Variants in CNKSR3 observed in about 807,000 individuals in gnomAD.
The protein encoded by CNKSR3 is CNKSR family member 3, also known as connector enhancer of kinase suppressor of ras 3.
Under a neutral mutation model 67.7 loss-of-function variants are expected in CNKSR3, and 36 were observed. The ratio of observed to expected loss-of-function variants is 0.53; its 90% CI spans 0.41 to 0.70. The LOEUF (loss-of-function observed/expected upper bound fraction) is 0.70. Ranked by LOEUF, CNKSR3 falls within the 30% of genes least tolerant of loss-of-function variation. The pLI is 0.00. For missense variants in CNKSR3, 630 were observed against 695.2 expected, an observed-to-expected ratio of 0.91 and a Z score of 1.05; for synonymous variants, 281 against 271.4, an observed-to-expected ratio of 1.04 and a Z score of -0.35.
At chr6:154,410,621 G>A (rs1784891026) in intron 11 of CNKSR3, among the ~76,000 whole-genome samples, 189 bp from the exon 12 acceptor site, 1 of 152,134 alleles carries the variant, frequency 6.6e-6, no homozygotes, top group South Asian at 2.1e-4. Context: ...TACTAAGATA[G>A]AGGCACATTA....
intron 5 of CNKSR3, among the ~76,000 whole-genome samples, chr6:154,431,695 AG>A (rs1360379672): frequency 6.6e-6 from 1 of 152,112 alleles, no homozygotes; most frequent in African/African-American, 2.4e-5. Context: ...TGGCAAACAT[AG>A]ATCTTTTTAC....
intron 11 of CNKSR3, 58 bp downstream of exon 11, chr6:154,410,876 G>A (rs1249129562): frequency 3.0e-6 from 4 of 1,347,462 alleles, no homozygotes; most frequent in South Asian, 2.7e-5. Flanking sequence ...ACTAAGGCAG[G>A]GGGCGGGGAG....
intron 1 of CNKSR3, among the ~76,000 whole-genome samples, chr6:154,499,622 G>A (rs553110941): frequency 3.7e-4 from 56 of 152,196 alleles, no homozygotes; most frequent in African/African-American, 1.0e-3. Context: ...AATCTCTACC[G>A]GGTTTTTTTA....
At chr6:154,480,230 G>A (rs1332241756) in intron 1 of CNKSR3, among the ~76,000 whole-genome samples, 1 of 152,128 alleles carries the variant, frequency 6.6e-6, no homozygotes. Flanking sequence ...ACATAAGCTG[G>A]GCACTCTCTC....
At chr6:154,507,917 T>G (rs956731425) in intron 1 of CNKSR3, among the ~76,000 whole-genome samples, 1 of 152,216 alleles carries the variant, frequency 6.6e-6, no homozygotes, top group African/African-American at 2.4e-5. Context: ...GATGTGATTT[T>G]ACGCTTCTCC....
At chr6:154,486,622 A>G (rs1411248510) in intron 1 of CNKSR3, among the ~76,000 whole-genome samples, 1 of 149,780 alleles carries the variant, frequency 6.7e-6, no homozygotes, top group Non-Finnish European at 1.5e-5. Context: ...CCTCCCAAGT[A>G]GCTGGGATTA....
At chr6:154,460,422 A>G (rs1236778151) in intron 1 of CNKSR3, among the ~76,000 whole-genome samples, 1 of 152,234 alleles carries the variant, frequency 6.6e-6, no homozygotes, top group African/African-American at 2.4e-5. Context: ...ATATACCTAT[A>G]TCTCACAGCA....
In CNKSR3 at chr6:154,423,736, ATCTT is replaced by A. The variant is rs375958900; in HGVS notation, c.730-757_730-754del. Among the ~76,000 whole-genome samples the A allele has an allele frequency of 4.9e-3, 749 of 152,306 alleles. 6 individuals are homozygous for A. The highest frequency in any genetic ancestry group is 0.017 in the African/African-American group (719 of 41,562). On this transcript the variant is annotated intron_variant, in intron 7 of 12. Coordinates refer to ENST00000607772, the MANE Select transcript of CNKSR3 (RefSeq NM_173515.4). ...TAAAACTAAATGTTGTTCTCATTCT[ATCTT>A]CTTTTACATATTATTGCAATGCTGT...
chr6:154,421,726 G>A (rs937675150), intron 9 of CNKSR3, among the ~76,000 whole-genome samples: 2 of 152,218 alleles, frequency 1.3e-5, no homozygotes, highest in Admixed American at 6.5e-5. Flanking sequence ...TGCACTCACC[G>A]CCCCCAACCC....
intron 1 of CNKSR3, among the ~76,000 whole-genome samples, chr6:154,462,543 G>C (rs1323396005): frequency 6.6e-6 from 1 of 152,108 alleles, no homozygotes; most frequent in East Asian, 1.9e-4. Flanking sequence ...ACTGCACTGG[G>C]GATAAAATCT....
Position 154,390,374 on chromosome 6 carries a change from A to G in CNKSR3, c.*15980T>C, listed in dbSNP as rs1784591655. 1 of 152,208 alleles carries G rather than the reference A, an allele frequency of 6.6e-6. No homozygotes were observed. The highest frequency in any genetic ancestry group is 1.5e-5 in the Non-Finnish European group (1 of 68,070). 9.4% of individuals were successfully genotyped at this position (152,208 alleles called of 1,614,324 possible). On this transcript the variant is annotated 3_prime_UTR_variant, in exon 13 of 13. Coordinates refer to ENST00000607772, the MANE Select transcript of CNKSR3 (RefSeq NM_173515.4). Reference sequence around the variant, plus strand: ...TCCTGCCCTTTATGGACTCTGACAAAAGGCCACACTGCAGGGCATAGGCTT... The same window carrying G: ...TCCTGCCCTTTATGGACTCTGACAAGAGGCCACACTGCAGGGCATAGGCTT...
At chr6:154,414,607 C>G (rs1032260597) in intron 9 of CNKSR3, 184 bp from the exon 10 acceptor site, 3 of 698,448 alleles carry the variant, frequency 4.3e-6, no homozygotes, top group Admixed American at 4.2e-5. Flanking sequence ...TTAGAATGAG[C>G]TGAGGGATTT....
At chr6:154,500,355 TGCTTCC>T (rs1786972649) in intron 1 of CNKSR3, among the ~76,000 whole-genome samples, 2 of 151,970 alleles carry the variant, frequency 1.3e-5, no homozygotes, top group African/African-American at 2.4e-5. Context: ...GGAAATAGAA[TGCTTCC>T]TTTCACTAAA....
chr6:154,454,290 T>C (rs746876694), intron 1 of CNKSR3, among the ~76,000 whole-genome samples: 1 of 152,198 alleles, frequency 6.6e-6, no homozygotes, highest in East Asian at 1.9e-4. Context: ...TTAATGTTTA[T>C]AAAGAACTTA....
intron 1 of CNKSR3, 31 bp from the exon 2 acceptor site, chr6:154,450,289 G>A: frequency 6.2e-7 from 1 of 1,608,828 alleles, no homozygotes; most frequent in Non-Finnish European, 8.5e-7. Context: ...TCCCATTATT[G>A]CCATTTTGTT....
At chr6:154,470,188 CTTTTTTTTTT>C (rs869154714) in intron 1 of CNKSR3, among the ~76,000 whole-genome samples, 32 of 68,744 alleles carry the variant, frequency 4.7e-4, no homozygotes, top group Admixed American at 1.0e-3. Context: ...ACTTTCTTTC[CTTTTTTTTTT>C]TTTTTTTTTT....
chr6:154,444,896 C>T (rs551320891), intron 2 of CNKSR3, among the ~76,000 whole-genome samples: 13 of 152,260 alleles, frequency 8.5e-5, no homozygotes, highest in South Asian at 2.1e-4. Flanking sequence ...TGAACCACTG[C>T]ACCCGGCTGT....
At chr6:154,426,803 C>G (rs531507425) in intron 7 of CNKSR3, among the ~76,000 whole-genome samples, 2 of 152,290 alleles carry the variant, frequency 1.3e-5, no homozygotes, top group East Asian at 3.8e-4. Flanking sequence ...TTAAGACAGA[C>G]AACGTAATCA....
chr6:154,483,799 G>C (rs1428213493), intron 1 of CNKSR3, among the ~76,000 whole-genome samples: 2 of 152,108 alleles, frequency 1.3e-5, no homozygotes, highest in African/African-American at 2.4e-5. Context: ...ATCTTGTTGT[G>C]TAATAAATAA....
Sources: gnomAD v4.1 joint callset for allele counts (sites outside exome capture counted in the v4.1 genomes callset) on GRCh38, gnomAD v4.1.1 for gene constraint, MANE v1.5 for transcripts, NCBI Gene and HGNC (gene_info 2026-07-23, HGNC 2026-07-21) for gene names.